FBXW10B: variants seen among roughly 807,000 people sequenced by gnomAD.
The protein encoded by FBXW10B is F-box and WD repeat domain containing protein 10B.
chr17:15,568,518 G>C, the FBXW10B span, among the ~76,000 whole-genome samples: 10 of 152,048 alleles, frequency 6.6e-5, no homozygotes, highest in African/African-American at 2.4e-4. Context: ...CCTGTTCCCT[G>C]CTGAGCTCTT....
At chr17:15,602,219 G>T in the FBXW10B span, among the ~76,000 whole-genome samples, 1 of 152,082 alleles carries the variant, frequency 6.6e-6, no homozygotes, top group African/African-American at 2.4e-5. Context: ...TTTCAAGGAG[G>T]GGGATTTTGA....
At chr17:15,587,005 G>A in the FBXW10B span, among the ~76,000 whole-genome samples, 2 of 151,632 alleles carry the variant, frequency 1.3e-5, no homozygotes, top group African/African-American at 2.4e-5. Context: ...GAGTGAACCT[G>A]GAGCCTTGAG....
chr17:15,581,993 T>G, the FBXW10B span, among the ~76,000 whole-genome samples: 6 of 151,302 alleles, frequency 4.0e-5, no homozygotes, highest in African/African-American at 1.5e-4. Flanking sequence ...ATTTAAATGA[T>G]AAAAAGGAGA....
the FBXW10B span, among the ~76,000 whole-genome samples, chr17:15,607,351 G>C: frequency 1.3e-4 from 19 of 145,654 alleles, no homozygotes; most frequent in Non-Finnish European, 2.4e-4. Flanking sequence ...TTGTTGGTCA[G>C]CATACCCAAA....
chr17:15,618,915 A>G, the FBXW10B span: 1 of 1,552,178 alleles, frequency 6.4e-7, no homozygotes, highest in East Asian at 2.3e-5. Flanking sequence ...CTGTCTACCT[A>G]TGTTGTCTAC....
At chr17:15,571,826 C>G in the FBXW10B span, 1 of 152,202 alleles carries the variant, frequency 6.6e-6, no homozygotes, top group Non-Finnish European at 1.5e-5. Context: ...TGCAGTGACA[C>G]GGGTGTGTTT....
At chr17:15,576,589 A>T in the FBXW10B span, among the ~76,000 whole-genome samples, 1 of 152,240 alleles carries the variant, frequency 6.6e-6, no homozygotes. Context: ...CTGTATTTTG[A>T]TTATGTCTCT....
chr17:15,598,780 G>T, the FBXW10B span: 7 of 1,438,562 alleles, frequency 4.9e-6, no homozygotes, highest in East Asian at 1.7e-4. Flanking sequence ...TTAGAGTCAG[G>T]GGCCTGGATT....
At chr17:15,592,876 G>A in the FBXW10B span, among the ~76,000 whole-genome samples, 400 of 152,216 alleles carry the variant, frequency 2.6e-3, no homozygotes, top group African/African-American at 9.3e-3. Context: ...AGGCCGTGAC[G>A]GGTGGATCAC....
At chr17:15,565,652 C>T in the FBXW10B span, 95 of 1,614,116 alleles carry the variant, frequency 5.9e-5, no homozygotes, top group Non-Finnish European at 8.5e-6. Context: ...TTTCCTGGAT[C>T]AACCACTCCA....
the FBXW10B span, among the ~76,000 whole-genome samples, chr17:15,597,816 G>A: frequency 6.6e-6 from 1 of 152,166 alleles, no homozygotes; most frequent in African/African-American, 2.4e-5. Context: ...ACTAACAGCC[G>A]GCGATGACTC....
the FBXW10B span, among the ~76,000 whole-genome samples, chr17:15,587,925 TAGG>T: frequency 6.6e-6 from 1 of 152,168 alleles, no homozygotes; most frequent in African/African-American, 2.4e-5. Context: ...TGGCTTCTGC[TAGG>T]AGAAGGCAGG....
chr17:15,614,035 T>C, the FBXW10B span: 9 of 1,609,978 alleles, frequency 5.6e-6, no homozygotes, highest in South Asian at 8.8e-5. Flanking sequence ...ATGGTTCCTC[T>C]AGAGTGAAGC....
At chr17:15,597,475 A>AT in the FBXW10B span, among the ~76,000 whole-genome samples, 20 of 151,224 alleles carry the variant, frequency 1.3e-4, no homozygotes, top group Non-Finnish European at 1.2e-4. Flanking sequence ...AAAAAAAAAA[A>AT]AAAAAAAATT....
chr17:15,609,897 G>GC, the FBXW10B span, among the ~76,000 whole-genome samples: 1,307 of 115,820 alleles, frequency 0.011, 23 homozygotes, highest in African/African-American at 0.043. Context: ...TCGCTCTCTT[G>GC]CCCAGGCTGG....
the FBXW10B span, among the ~76,000 whole-genome samples, chr17:15,607,173 T>C: frequency 6.6e-6 from 1 of 150,716 alleles, no homozygotes; most frequent in African/African-American, 2.4e-5. Flanking sequence ...TCAATATTAA[T>C]GGTGGTTATT....
chr17:15,612,691 T>C, the FBXW10B span: 1 of 1,614,066 alleles, frequency 6.2e-7, no homozygotes, highest in Non-Finnish European at 8.5e-7. Flanking sequence ...CAGATGCTGT[T>C]GGAACCCACC....
At chr17:15,618,871 G>A in the FBXW10B span, 9 of 1,486,816 alleles carry the variant, frequency 6.1e-6, no homozygotes, top group South Asian at 1.3e-4. Context: ...CGAGGTGTCA[G>A]TTCAAAAAAC....
chr17:15,594,138 T>C, the FBXW10B span, among the ~76,000 whole-genome samples: 1 of 152,144 alleles, frequency 6.6e-6, no homozygotes, highest in African/African-American at 2.4e-5. Context: ...ACTTATACAA[T>C]AGTCATGCTG....
Sources: gnomAD v4.1 joint callset for allele counts (sites outside exome capture counted in the v4.1 genomes callset) on GRCh38, gnomAD v4.1.1 for gene constraint, MANE v1.5 for transcripts, NCBI Gene and HGNC (gene_info 2026-07-23, HGNC 2026-07-21) for gene names.